KCNH8: variants seen among roughly 807,000 people sequenced by gnomAD.
KCNH8 encodes voltage-gated delayed rectifier potassium channel KCNH8.
Under a neutral mutation model 103.6 loss-of-function variants are expected in KCNH8, and 70 were observed. That is an observed-to-expected ratio of 0.68 (90% confidence interval 0.56 to 0.82). The LOEUF is 0.82. Ranked by LOEUF, KCNH8 falls within the 40% of genes least tolerant of loss-of-function variation. The pLI is 0.00. For missense variants in KCNH8, 1,217 were observed against 1,329.9 expected, an observed-to-expected ratio of 0.92 and a Z score of 1.32; for synonymous variants, 498 against 489.4, an observed-to-expected ratio of 1.02 and a Z score of -0.23.
chr3:19,340,723 T>G (rs922774884), intron 3 of KCNH8, among the ~76,000 whole-genome samples: 2 of 152,164 alleles, frequency 1.3e-5, no homozygotes, highest in Non-Finnish European at 2.9e-5. Context: ...GCATATATTT[T>G]TGTGTGACAA....
chr3:19,197,059 T>C (rs191449791), intron 1 of KCNH8, among the ~76,000 whole-genome samples: 1 of 152,172 alleles, frequency 6.6e-6, no homozygotes. Context: ...ACATTAGTGT[T>C]CAAGTAAGCT....
chr3:19,206,661 C>T (rs952871377), intron 1 of KCNH8, among the ~76,000 whole-genome samples: 4 of 151,802 alleles, frequency 2.6e-5, no homozygotes, highest in South Asian at 2.1e-4. Flanking sequence ...AGTCTATACC[C>T]GGTAGATAAG....
chr3:19,399,166 A>G (rs1473783847), intron 7 of KCNH8, among the ~76,000 whole-genome samples: 1 of 151,930 alleles, frequency 6.6e-6, no homozygotes, highest in Non-Finnish European at 1.5e-5. Flanking sequence ...AAGATTAAAC[A>G]CTGTATTAAA....
At chr3:19,310,024 A>C (rs559417912) in intron 3 of KCNH8, among the ~76,000 whole-genome samples, 1 of 151,658 alleles carries the variant, frequency 6.6e-6, no homozygotes, top group Non-Finnish European at 1.5e-5. Flanking sequence ...AGAAATAGGA[A>C]CTCTGCATCC....
intron 7 of KCNH8, among the ~76,000 whole-genome samples, chr3:19,400,039 C>G (rs2066587100): frequency 6.6e-6 from 1 of 151,572 alleles, no homozygotes; most frequent in South Asian, 2.1e-4. Context: ...TCCCCTGCAC[C>G]TCTGATTCAC....
intron 11 of KCNH8, among the ~76,000 whole-genome samples, chr3:19,483,601 C>T (rs756012736): frequency 1.3e-5 from 2 of 152,194 alleles, no homozygotes; most frequent in Non-Finnish European, 2.9e-5. Context: ...AACTGGGCTA[C>T]ATGCTCGGCT....
intron 7 of KCNH8, among the ~76,000 whole-genome samples, chr3:19,423,130 G>GA (rs533985657): frequency 1.3e-5 from 2 of 152,006 alleles, no homozygotes; most frequent in Non-Finnish European, 2.9e-5. Context: ...TCTAAAGACT[G>GA]AAAAGCTTCT....
At chr3:19,401,754 G>A (rs1034166523) in intron 7 of KCNH8, among the ~76,000 whole-genome samples, 14 of 151,900 alleles carry the variant, frequency 9.2e-5, no homozygotes, top group African/African-American at 3.4e-4. Flanking sequence ...CAATTATGAA[G>A]TTGCATTATC....
chr3:19,193,379 C>A (rs1394829324), intron 1 of KCNH8, among the ~76,000 whole-genome samples: 1 of 151,616 alleles, frequency 6.6e-6, no homozygotes, highest in African/African-American at 2.4e-5. Flanking sequence ...TCATGCCATT[C>A]TCTCCCTTTT....
chr3:19,478,776 G>C (rs555299570), intron 11 of KCNH8, among the ~76,000 whole-genome samples: 1 of 151,958 alleles, frequency 6.6e-6, no homozygotes, highest in Non-Finnish European at 1.5e-5. Flanking sequence ...AATGTAAATA[G>C]AAGTCATGTG....
intron 1 of KCNH8, among the ~76,000 whole-genome samples, chr3:19,157,879 A>G (rs2063196499): frequency 6.6e-6 from 1 of 151,798 alleles, no homozygotes; most frequent in Non-Finnish European, 1.5e-5. Context: ...AGTAACACGA[A>G]TTGTATACAT....
intron 5 of KCNH8, among the ~76,000 whole-genome samples, chr3:19,352,625 G>C (rs1433277939): frequency 4.6e-5 from 7 of 152,128 alleles, no homozygotes; most frequent in Non-Finnish European, 2.9e-5. Context: ...ATGTGCTCCT[G>C]AATGACTACT....
intron 1 of KCNH8, among the ~76,000 whole-genome samples, chr3:19,236,200 G>A (rs929612278): frequency 1.3e-5 from 2 of 152,170 alleles, no homozygotes; most frequent in African/African-American, 4.8e-5. Context: ...AAACTTCATT[G>A]AAGTTGTTAG....
chr3:19,169,345 G>A (rs1019572821), intron 1 of KCNH8, among the ~76,000 whole-genome samples: 11 of 143,418 alleles, frequency 7.7e-5, no homozygotes, highest in African/African-American at 2.6e-4. Context: ...TGCAAGCTCC[G>A]CCTCCCGGGT....
chr3:19,227,396 G>C (rs755760011), intron 1 of KCNH8, among the ~76,000 whole-genome samples: 1 of 152,178 alleles, frequency 6.6e-6, no homozygotes, highest in Admixed American at 6.5e-5. Context: ...TCTCTATTGA[G>C]AACTTTTATT....
Position 19,389,801 on chromosome 3 carries a change from T to C in KCNH8, c.812-680T>C, listed in dbSNP as rs114231011. On this transcript the variant is annotated intron_variant, in intron 5 of 15. Coordinates refer to ENST00000328405, the MANE Select transcript of KCNH8 (RefSeq NM_144633.3). ...TGCCAGTATGCCCAGCTAATTTTTT[T>C]TGAATTTTAATAGAGATGAGTTCTC... Among the ~76,000 whole-genome samples the C allele has an allele frequency of 9.8e-3, 1,483 of 152,064 alleles. 18 individuals carry two copies. The highest frequency in any genetic ancestry group is 0.014 in the Non-Finnish European group (985 of 67,962).
intron 3 of KCNH8, among the ~76,000 whole-genome samples, chr3:19,307,454 G>A (rs566278485): frequency 1.3e-5 from 2 of 152,026 alleles, no homozygotes; most frequent in Admixed American, 6.6e-5. Flanking sequence ...ATGTAAACTA[G>A]TACAGCCACT....
intron 1 of KCNH8, among the ~76,000 whole-genome samples, chr3:19,233,007 T>C (rs964377441): frequency 2.0e-5 from 3 of 152,106 alleles, no homozygotes; most frequent in African/African-American, 7.2e-5. Flanking sequence ...TTCTAATGTT[T>C]TGATTAAAAT....
chr3:19,150,523 G>A (rs77665289), intron 1 of KCNH8, among the ~76,000 whole-genome samples: 8,953 of 152,164 alleles, frequency 0.059, 844 homozygotes, highest in African/African-American at 0.19. Context: ...GGGAATTACT[G>A]CAGTGATACA....
Sources: gnomAD v4.1 joint callset for allele counts (sites outside exome capture counted in the v4.1 genomes callset) on GRCh38, gnomAD v4.1.1 for gene constraint, MANE v1.5 for transcripts, NCBI Gene and HGNC (gene_info 2026-07-23, HGNC 2026-07-21) for gene names.